Variants in LYST observed in about 807,000 individuals in gnomAD.
The protein encoded by LYST is lysosomal trafficking regulator.
In LYST, 192 loss-of-function variants were observed where a neutral mutation model predicts 413.6. The observed-to-expected ratio is 0.46, with a 90% confidence interval of 0.41 to 0.52. The LOEUF (loss-of-function observed/expected upper bound fraction) is 0.52, where lower values mean the gene tolerates loss of function less well. LYST is among the 20% of genes least tolerant of loss of function. The pLI, the probability that LYST is intolerant of heterozygous loss-of-function variation, is 0.00. For synonymous variants in LYST, 1,525 were observed against 1,567.3 expected (o/e 0.97, Z 0.64); for missense variants, 3,815 against 4,499.9 (o/e 0.85, Z 4.35).
intron 3 of LYST, among the ~76,000 whole-genome samples, chr1:235,826,206 A>G (rs527395541): frequency 2.0e-5 from 3 of 152,362 alleles, no homozygotes; most frequent in Non-Finnish European, 4.4e-5. Flanking sequence ...TAGTACAACT[A>G]CTTTGCAAAA....
chr1:235,862,155 T>TTGATA, intron 1 of LYST, among the ~76,000 whole-genome samples: 1 of 152,280 alleles, frequency 6.6e-6, no homozygotes, highest in Admixed American at 6.5e-5. Context: ...AACAGGCCAG[T>TTGATA]TGATATGATA....
In LYST at chr1:235,762,991, A is replaced by C. The variant is rs192547320; in HGVS notation, c.6122-140T>G. On this transcript the variant is annotated intron_variant, in intron 21 of 52. Coordinates refer to ENST00000389793, the MANE Select transcript of LYST (RefSeq NM_000081.4). ...AAAATATATAGCATACTTTATATTA[A>C]GGCACACGATATGTGAATACTTACT... The C allele has an allele frequency of 2.4e-5, 16 of 668,840 alleles. No individual in the cohort carries two copies. In the Admixed American group the frequency reaches 3.4e-4, roughly 14 times the overall value. The allele number at this position is 668,840 out of a possible 1,614,324, so 41.4% of individuals were successfully genotyped here. A position where few individuals can be genotyped will look rare whatever the true frequency, so the allele number is the denominator to read the frequency against.
rs1678953832 is a variant in LYST at position 235,854,648 on chromosome 1, A to G, written c.-98+12195T>C. On this transcript the variant is annotated intron_variant, in intron 1 of 52. Coordinates refer to ENST00000389793, the MANE Select transcript of LYST (RefSeq NM_000081.4). This position sits in a 1 kb window ranked among gnomAD's most constrained non-coding sequence, Gnocchi z 4.1. Reference sequence around the variant, plus strand: ...CATAAGAGTAGCTGTAGTTGTTGCGAATATCAACATTAAACGAGATAATTC... The same window carrying G: ...CATAAGAGTAGCTGTAGTTGTTGCGGATATCAACATTAAACGAGATAATTC... 6.6e-6 allele frequency among the ~76,000 whole-genome samples: 1 copy of G among 152,206 alleles called. No homozygotes were observed. Among genetic ancestry groups the G allele is most frequent in the African/African-American group, 2.4e-5 (1 of 41,446 alleles).
intron 10 of LYST, among the ~76,000 whole-genome samples, chr1:235,797,544 T>C (rs937031128): frequency 6.6e-6 from 1 of 152,188 alleles, no homozygotes; most frequent in African/African-American, 2.4e-5. Context: ...CAACAAACGA[T>C]GCTGAGAAAA....
chr1:235,738,133 C>A (rs2145402), intron 31 of LYST: 450,353 of 1,607,894 alleles, frequency 0.28, 66,881 homozygotes, highest in Middle Eastern at 0.35. Flanking sequence ...AAGGACTTGG[C>A]AGGCGAACTT....
At chr1:235,681,388 G>A (rs1294476385) in intron 48 of LYST, among the ~76,000 whole-genome samples, 1 of 152,162 alleles carries the variant, frequency 6.6e-6, no homozygotes, top group Non-Finnish European at 1.5e-5. Flanking sequence ...AGAGCACGGG[G>A]CCTGGTGTGT....
intron 1 of LYST, among the ~76,000 whole-genome samples, chr1:235,858,110 A>G (rs1464822018): frequency 1.3e-5 from 2 of 152,282 alleles, no homozygotes; most frequent in African/African-American, 4.8e-5. Flanking sequence ...CCAACACACA[A>G]GACTTAATGC....
At chr1:235,862,254 TTC>T (rs1679966060) in intron 1 of LYST, among the ~76,000 whole-genome samples, 2 of 152,246 alleles carry the variant, frequency 1.3e-5, no homozygotes, top group Admixed American at 6.5e-5. Context: ...TCTTTTCTGT[TTC>T]TGTTTTCCTC....
intron 44 of LYST, among the ~76,000 whole-genome samples, chr1:235,704,864 T>C (rs1436202936): frequency 3.3e-5 from 5 of 152,212 alleles, no homozygotes; most frequent in Admixed American, 3.3e-4. Flanking sequence ...CAAATAAGGA[T>C]TGATACACTC....
intron 45 of LYST, among the ~76,000 whole-genome samples, chr1:235,700,111 A>G (rs932580591): frequency 6.6e-6 from 1 of 152,244 alleles, no homozygotes; most frequent in African/African-American, 2.4e-5. Flanking sequence ...AGACAAATGT[A>G]AAACCCAAAA....
intron 1 of LYST, among the ~76,000 whole-genome samples, chr1:235,878,880 G>A (rs1211505359): frequency 6.6e-6 from 1 of 152,108 alleles, no homozygotes; most frequent in Non-Finnish European, 1.5e-5. Context: ...TTGCACATTA[G>A]TATTTAAATT....
chr1:235,740,225 G>C (rs778770474), intron 31 of LYST, among the ~76,000 whole-genome samples: 1 of 152,010 alleles, frequency 6.6e-6, no homozygotes, highest in Non-Finnish European at 1.5e-5. Context: ...TGTATTAAAG[G>C]GGATACCTAT....
At position 235,751,282 on chromosome 1, in the gene LYST, T is replaced by C. The variant is rs772887797; in HGVS notation, c.7708A>G (p.Asn2570Asp). The C allele has an allele frequency of 6.2e-7, 1 of 1,613,834 alleles. No individual in the cohort carries two copies. Among genetic ancestry groups the C allele is most frequent in the South Asian group, 1.1e-5 (1 of 91,072 alleles). The change falls in exon 28 of 53, where the codon AAC becomes GAC. Residue 2570 changes from asparagine (N) to aspartate (D), a missense_variant. Asn to Asp is a conservative substitution (Grantham distance 23, BLOSUM62 1). This residue lies in a region of LYST where 771 missense variants were observed against 837.1 expected (regional missense o/e 0.92). Transcript: ENST00000389793. ...IRTTANHDSE[N>D]LTDSLQSPSA... ...GGTGACTGGAGTGAATCTGTGAGGT[T>C]TTCAGAGTCATGATTTGCGGTGGTC...
chr1:235,811,452 A>G (rs187084474), intron 4 of LYST, among the ~76,000 whole-genome samples: 1 of 152,314 alleles, frequency 6.6e-6, no homozygotes, highest in East Asian at 1.9e-4. Flanking sequence ...ATAATTCTTT[A>G]TTCAAATTAT....
intron 1 of LYST, among the ~76,000 whole-genome samples, chr1:235,834,828 C>T (rs1024806431): frequency 3.9e-5 from 6 of 152,252 alleles, no homozygotes; most frequent in African/African-American, 1.2e-4. Context: ...AGTATATCAA[C>T]GGCTCAACCA....
chr1:235,849,372 T>C (rs1332779669), intron 1 of LYST, among the ~76,000 whole-genome samples: 1 of 152,094 alleles, frequency 6.6e-6, no homozygotes, highest in East Asian at 1.9e-4. Context: ...TACCTTAATG[T>C]AATAAAAGCC....
Position 235,692,166 on chromosome 1 carries a change from C to T in LYST, c.10701+1184G>A, listed in dbSNP as rs1480529487. ...TGGCTAACATGGTGAAACCCCGTCC[C>T]TACTAAAAATACAAAAATTAGCCAA... On this transcript the variant is annotated intron_variant, in intron 47 of 52. Transcript: ENST00000389793. 2.6e-5 allele frequency among the ~76,000 whole-genome samples: 4 copies of T among 151,398 alleles called. No individual in the cohort carries two copies. The East Asian group carries it at 8.2e-4, about 31-fold the overall frequency.
intron 25 of LYST, 53 bp downstream of exon 25, chr1:235,755,423 GAA>G (rs1481160461): frequency 1.4e-6 from 2 of 1,417,910 alleles, no homozygotes; most frequent in African/African-American, 1.7e-5. Flanking sequence ...GAAAAGAAAA[GAA>G]AAGAAAAAAG....
intron 44 of LYST, among the ~76,000 whole-genome samples, chr1:235,704,001 G>A (rs1661757356): frequency 6.6e-6 from 1 of 152,206 alleles, no homozygotes; most frequent in Non-Finnish European, 1.5e-5. Flanking sequence ...GTGAGAACAT[G>A]TGGTATTTGG....
Sources: gnomAD v4.1 joint callset for allele counts (sites outside exome capture counted in the v4.1 genomes callset) on GRCh38, gnomAD v4.1.1 for gene constraint, gnomAD v4.1.1 regional missense constraint, Gnocchi (gnomAD v3.1) non-coding constraint, MANE v1.5 for transcripts, NCBI Gene and HGNC (gene_info 2026-07-23, HGNC 2026-07-21) for gene names.